AEN: variants seen among roughly 807,000 people sequenced by gnomAD.
AEN encodes apoptosis enhancing nuclease, also known as apoptosis-enhancing nuclease.
A neutral mutation model predicts 17.7 loss-of-function variants in AEN; 21 were observed. The observed-to-expected ratio is 1.19, with a 90% CI of 0.84 to 1.71. The LOEUF (loss-of-function observed/expected upper bound fraction) is 1.71. AEN is among the 40% of genes most tolerant of loss of function. The pLI is 0.00. For synonymous variants in AEN, 190 were observed against 173.0 expected (o/e 1.10, Z -0.77); for missense variants, 462 against 435.9 (o/e 1.06, Z -0.53).
At position 88,631,057 on chromosome 15, in the gene AEN, G is replaced by A. The variant is rs559327050; in HGVS notation, c.*763G>A. On this transcript the variant is annotated 3_prime_UTR_variant, in exon 4 of 4. Coordinates refer to ENST00000332810, the MANE Select transcript of AEN (RefSeq NM_022767.4). ...GAGGGAAGGCAGGTAAGCTTTGGAC[G>A]AGAACTGGCATATTTATTTTGACCC... 13 of 449,892 alleles carry A rather than the reference G, an allele frequency of 2.9e-5. No homozygotes were observed. The highest frequency in any genetic ancestry group is 1.4e-4 in the Admixed American group (6 of 42,474). 27.9% of individuals were successfully genotyped at this position (449,892 alleles called of 1,614,324 possible). A position where few individuals can be genotyped will look rare whatever the true frequency, so the allele number is the denominator to read the frequency against.
Position 88,630,980 on chromosome 15 carries a change from T to G in AEN, c.*686T>G. On this transcript the variant is annotated 3_prime_UTR_variant, in exon 4 of 4. Coordinates refer to ENST00000332810, the MANE Select transcript of AEN (RefSeq NM_022767.4). This position sits in a 1 kb window ranked among gnomAD's most constrained non-coding sequence, Gnocchi z 5.1. The stretch of plus-strand genomic sequence containing the variant: ...AGCCCACAGGCTTCTCGTGGGGAGT[T>G]GGCTCCTTAACATTTCTTGGCAACA... 1 of 382,150 alleles carries G rather than the reference T, an allele frequency of 2.6e-6. No individual in the cohort carries two copies. Among genetic ancestry groups the G allele is most frequent in the South Asian group, 1.9e-5 (1 of 53,768 alleles). The allele number at this position is 382,150 out of a possible 1,614,324, so 23.7% of individuals were successfully genotyped here. A position where few individuals can be genotyped will look rare whatever the true frequency, so the allele number is the denominator to read the frequency against.
chr15:88,606,713 C>CGATCCCGCGTAA, the AEN span, among the ~76,000 whole-genome samples: 1 of 152,160 alleles, frequency 6.6e-6, no homozygotes, highest in African/African-American at 2.4e-5. Context: ...AGAGGCACAT[C>CGATCCCGCGTAA]GATCCCGCGT....
rs745366197 is a variant in AEN, at chr15:88,630,031, C to T, written c.742-27C>T. The stretch of plus-strand genomic sequence containing the variant: ...ACAGGCCTCTCACTAGGCCTGCAGG[C>T]AGTGATGTGTTGGCTCTCGTCAGTA... On this transcript the variant is annotated intron_variant, in intron 3 of 3. Coordinates refer to ENST00000332810, the MANE Select transcript of AEN (RefSeq NM_022767.4). The surrounding 1 kb of genome is among the most constrained non-coding windows in gnomAD (Gnocchi z 5.1). 4 of 1,609,942 alleles carry T rather than the reference C, an allele frequency of 2.5e-6. No individual in the cohort carries two copies. In the East Asian group the frequency reaches 8.9e-5, roughly 36 times the overall value.
chr15:88,616,372 G>A (rs1480716891), upstream of AEN, among the ~76,000 whole-genome samples: 4 of 152,052 alleles, frequency 2.6e-5, no homozygotes, highest in African/African-American at 7.2e-5. Flanking sequence ...GATTACAGGC[G>A]TGAGCCACCG....
At chr15:88,624,166 C>T (rs968287353) in intron 1 of AEN, among the ~76,000 whole-genome samples, 2 of 152,180 alleles carry the variant, frequency 1.3e-5, no homozygotes, top group Non-Finnish European at 2.9e-5. Context: ...TCTTGGAGTC[C>T]AGGATCCACC....
the AEN span, among the ~76,000 whole-genome samples, chr15:88,609,040 C>T: frequency 6.6e-6 from 1 of 152,086 alleles, no homozygotes; most frequent in Non-Finnish European, 1.5e-5. Flanking sequence ...GATAACAGCC[C>T]GGAAGAAGTC....
chr15:88,605,396 T>C, the AEN span, among the ~76,000 whole-genome samples: 4 of 152,308 alleles, frequency 2.6e-5, no homozygotes, highest in African/African-American at 9.6e-5. This position sits in a 1 kb window ranked among gnomAD's most constrained non-coding sequence, Gnocchi z 7.6. Flanking sequence ...GCTGACTTGT[T>C]GCATGCAGAA....
the AEN span, among the ~76,000 whole-genome samples, chr15:88,611,161 G>T: frequency 6.6e-6 from 1 of 152,168 alleles, no homozygotes; most frequent in Non-Finnish European, 1.5e-5. Context: ...GAAGGGGGAG[G>T]CACCAGTAGA....
chr15:88,613,836 A>G, the AEN span, among the ~76,000 whole-genome samples: 1 of 152,202 alleles, frequency 6.6e-6, no homozygotes, highest in Non-Finnish European at 1.5e-5. Context: ...AAGTGTCATA[A>G]TATAAAATAG....
At chr15:88,620,414 CTTTCTTT>C (rs1168145695), upstream of AEN, among the ~76,000 whole-genome samples, 1 of 151,386 alleles carries the variant, frequency 6.6e-6, no homozygotes, top group African/African-American at 2.4e-5. Flanking sequence ...TTCTTTCTTT[CTTTCTTT>C]TTTTTTGAGA....
At position 88,630,971 on chromosome 15, in the gene AEN, G is replaced by A. The variant is rs1388110412; in HGVS notation, c.*677G>A. On this transcript the variant is annotated 3_prime_UTR_variant, in exon 4 of 4. Transcript: ENST00000332810. The surrounding 1 kb of genome is among the most constrained non-coding windows in gnomAD (Gnocchi z 5.1). Reference sequence around the variant, plus strand: ...GAATAGCAGAGCCCACAGGCTTCTCGTGGGGAGTTGGCTCCTTAACATTTC... The same window carrying A: ...GAATAGCAGAGCCCACAGGCTTCTCATGGGGAGTTGGCTCCTTAACATTTC... The A allele has an allele frequency of 5.4e-6, 2 of 371,718 alleles. No homozygotes were observed. Among genetic ancestry groups the A allele is most frequent in the South Asian group, 1.9e-5 (1 of 51,316 alleles). The allele number at this position is 371,718 out of a possible 1,614,324, so 23.0% of individuals were successfully genotyped here. A position where few individuals can be genotyped will look rare whatever the true frequency, so the allele number is the denominator to read the frequency against.
chr15:88,625,745 G>C, intron 1 of AEN, among the ~76,000 whole-genome samples: 1 of 152,080 alleles, frequency 6.6e-6, no homozygotes, highest in South Asian at 2.1e-4. Context: ...AATCACAGCA[G>C]AAAAAAAGTC....
intron 1 of AEN, among the ~76,000 whole-genome samples, chr15:88,621,960 A>G (rs1040722991): frequency 1.3e-5 from 2 of 152,122 alleles, no homozygotes; most frequent in Non-Finnish European, 2.9e-5. Context: ...GTCATATGGT[A>G]ATTAACTACA....
At position 88,626,217 on chromosome 15, in the gene AEN, C is replaced by T; in HGVS notation, c.8C>T (p.Pro3Leu). Residue 3 changes from proline to leucine, a missense_variant, in exon 2 of 4, where the codon CCC becomes CTC. Coordinates refer to ENST00000332810, the MANE Select transcript of AEN (RefSeq NM_022767.4). MV[P>L]REAPESAQCL... ...AGCAGTGAGCTGACTGGAATGGTAC[C>T]CCGGGAGGCCCCTGAGTCTGCTCAG... The T allele has an allele frequency of 6.3e-7, 1 of 1,584,372 alleles. No homozygotes were observed. Among genetic ancestry groups the T allele is most frequent in the Non-Finnish European group, 8.6e-7 (1 of 1,163,482 alleles).
chr15:88,624,642 C>T (rs2057828541), intron 1 of AEN, among the ~76,000 whole-genome samples: 1 of 152,082 alleles, frequency 6.6e-6, no homozygotes, highest in Admixed American at 6.5e-5. Context: ...CCAGCACTTT[C>T]GGAGGCCAAG....
chr15:88,606,510 A>G, the AEN span, among the ~76,000 whole-genome samples: 2 of 149,442 alleles, frequency 1.3e-5, no homozygotes, highest in African/African-American at 5.0e-5. Flanking sequence ...CGCTATCACA[A>G]AAGGGCTAAC....
chr15:88,626,553 G>A lies in AEN; in HGVS notation c.344G>A (p.Cys115Tyr), dbSNP rs750207525. The A allele has an allele frequency of 6.2e-7, 1 of 1,614,172 alleles. No individual in the cohort carries two copies. Among genetic ancestry groups the A allele is most frequent in the East Asian group, 2.2e-5 (1 of 44,890 alleles). The part of the protein sequence containing the change: ...PLPSKCVAID[C>Y]EMVGTGPRGR... ...CCCAGCAAGTGTGTGGCTATCGACT[G>A]TGAGATGGTGGGCACGGGACCCCGA... Residue 115 changes from cysteine (C) to tyrosine (Y), a missense_variant, in exon 2 of 4, where the codon TGT becomes TAT. Transcript: ENST00000332810.
rs761863304 is a variant in AEN, at chr15:88,630,234, C to G, written c.918C>G (p.Pro306=). 171 of 1,603,530 alleles carry G rather than the reference C, an allele frequency of 1.1e-4. 4 individuals are homozygous for G. The Admixed American group carries it at 2.8e-3, about 26-fold the overall frequency. Residue 306 remains proline (P), a synonymous_variant, in exon 4 of 4, where the codon CCC becomes CCG. Transcript: ENST00000332810. The surrounding 1 kb of genome is among the most constrained non-coding windows in gnomAD (Gnocchi z 5.1). Reference sequence around the variant, plus strand: ...AGTACATGGAGGACCAGTACTGGCCCGATGACCTGGCCCACGGCAGCAGAG... The same window carrying G: ...AGTACATGGAGGACCAGTACTGGCCGGATGACCTGGCCCACGGCAGCAGAG... ...MEQYMEDQYW[P]DDLAHGSRGG...
upstream of AEN, among the ~76,000 whole-genome samples, chr15:88,620,847 A>G (rs1318616877): frequency 6.6e-6 from 1 of 152,206 alleles, no homozygotes; most frequent in Non-Finnish European, 1.5e-5. Context: ...CAAGTGTTGC[A>G]AAAGAATAAA....
Sources: allele counts gnomAD v4.1 joint callset (sites outside exome capture counted in the v4.1 genomes callset), GRCh38; gene constraint gnomAD v4.1.1; non-coding constraint Gnocchi (gnomAD v3.1); transcripts MANE v1.5; gene names NCBI Gene and HGNC (gene_info 2026-07-23, HGNC 2026-07-21).